RECK: variants seen among roughly 807,000 people sequenced by gnomAD.
RECK encodes the protein reversion-inducing cysteine-rich protein with Kazal motifs.
Under a neutral mutation model 115.1 loss-of-function variants are expected in RECK, and 69 were observed. The observed-to-expected ratio is 0.60, with a 90% CI of 0.49 to 0.73. The LOEUF is 0.73. Among genes scored for constraint, RECK ranks in the 30% least tolerant of loss-of-function variants. The probability of loss-of-function intolerance (pLI) is 0.00; values close to 1 mark genes in which losing one functional copy is unlikely to be tolerated. For synonymous variants in RECK, 414 were observed against 419.7 expected (o/e 0.99, Z 0.17); for missense variants, 1,047 against 1,203.7 (o/e 0.87, Z 1.93).
chr9:36,083,441 C>T lies in RECK; in HGVS notation c.516C>T (p.Asp172=), dbSNP rs781423696. The change falls in exon 8 of 21, where the codon GAC becomes GAT. Residue 172 remains aspartate (D), a synonymous_variant. Coordinates refer to ENST00000377966, the MANE Select transcript of RECK (RefSeq NM_021111.3). ...REYCQAIFRT[D]SSPGPSQIKA... ...ACTGTCAAGCCATTTTTCGAACAGA[C>T]TCTTCTCCTGGTCCATCTCAGATAA... The T allele has an allele frequency of 5.0e-6, 8 of 1,614,108 alleles. No homozygotes were observed. Among genetic ancestry groups the T allele is most frequent in the Non-Finnish European group, 5.1e-6 (6 of 1,179,986 alleles).
chr9:36,118,572 C>T (rs1824349516), intron 17 of RECK, among the ~76,000 whole-genome samples, 185 bp from the exon 18 acceptor site: 1 of 152,130 alleles, frequency 6.6e-6, no homozygotes, highest in Non-Finnish European at 1.5e-5. Flanking sequence ...CTGGAGACAC[C>T]CATATTGCTG....
chr9:36,080,172 C>T (rs989318645), intron 6 of RECK, among the ~76,000 whole-genome samples: 1 of 152,138 alleles, frequency 6.6e-6, no homozygotes, highest in Non-Finnish European at 1.5e-5. Flanking sequence ...CAGTGTACAG[C>T]CATGTTTGAG....
intron 2 of RECK, among the ~76,000 whole-genome samples, chr9:36,053,537 G>A (rs1233322928): frequency 1.3e-5 from 2 of 152,144 alleles, no homozygotes; most frequent in Non-Finnish European, 2.9e-5. Flanking sequence ...AATCACTATT[G>A]CAAATTAAGT....
In RECK at chr9:36,112,408, T is replaced by A; in HGVS notation, c.1992T>A (p.His664Gln). The A allele has an allele frequency of 1.2e-6, 2 of 1,614,124 alleles. No homozygotes were observed. Among genetic ancestry groups the A allele is most frequent in the African/African-American group, 1.3e-5 (1 of 75,064 alleles). The stretch of plus-strand genomic sequence containing the variant: ...CTCGCTGTGTGGGCCTCCAAGACCA[T>A]CAGTTTGAGTTTGGATCATGCATGT... ...CIARCVGLQD[H>Q]QFEFGSCMSK... The change falls in exon 16 of 21, where the codon CAT becomes CAA. Residue 664 changes from histidine (H) to glutamine (Q), a missense_variant. Transcript: ENST00000377966.
intron 17 of RECK, 82 bp downstream of exon 17, chr9:36,117,259 AC>A: frequency 8.7e-7 from 1 of 1,143,034 alleles, no homozygotes; most frequent in Non-Finnish European, 1.2e-6. Context: ...CAACAGTAAG[AC>A]CAGCCGAGGG....
chr9:36,089,877 G>T (rs1460005926), intron 9 of RECK, among the ~76,000 whole-genome samples: 1 of 151,988 alleles, frequency 6.6e-6, no homozygotes, highest in Non-Finnish European at 1.5e-5. Flanking sequence ...ACTCAAGCCT[G>T]TAATTCCAGG....
intron 1 of RECK, among the ~76,000 whole-genome samples, chr9:36,048,383 T>A (rs1821156623): frequency 6.6e-6 from 1 of 151,970 alleles, no homozygotes; most frequent in South Asian, 2.1e-4. Context: ...CTTGGCAACC[T>A]TTTTCCTTTT....
chr9:36,118,777 G>T lies in RECK; in HGVS notation c.2274G>T (p.Glu758Asp). The change falls in exon 18 of 21, where the codon GAG (glutamate) becomes GAT (aspartate). Residue 758 changes from glutamate (E) to aspartate (D), a missense_variant. Glu to Asp is a conservative substitution (Grantham distance 45). Transcript: ENST00000377966. ...CTCAGCCCTTTTGCAGAGCAACCGAGCCCGTATGTGGGCACAATGGTGAGA... is the reference window on the plus strand; with the variant it reads ...CTCAGCCCTTTTGCAGAGCAACCGATCCCGTATGTGGGCACAATGGTGAGA... The part of the protein sequence containing the change: ...GPCQPFCRAT[E>D]PVCGHNGETY... The T allele has an allele frequency of 6.2e-7, 1 of 1,614,030 alleles. No individual in the cohort carries two copies. The highest frequency in any genetic ancestry group is 8.5e-7 in the Non-Finnish European group (1 of 1,180,000).
intron 5 of RECK, among the ~76,000 whole-genome samples, 198 bp downstream of exon 5, chr9:36,064,078 T>G (rs1007959210): frequency 1.8e-4 from 28 of 152,252 alleles, no homozygotes; most frequent in African/African-American, 6.8e-4. Flanking sequence ...GGCCTCAGCC[T>G]GCTTTTATTC....
At chr9:36,058,558 C>T (rs1428181432) in intron 2 of RECK, among the ~76,000 whole-genome samples, 5 of 143,988 alleles carry the variant, frequency 3.5e-5, no homozygotes, top group African/African-American at 7.7e-5. Flanking sequence ...TGCTAGATGA[C>T]GAGTTAGTGG....
At chr9:36,084,884 A>G (rs547576881) in intron 8 of RECK, among the ~76,000 whole-genome samples, 1 of 152,184 alleles carries the variant, frequency 6.6e-6, no homozygotes, top group African/African-American at 2.4e-5. Context: ...GTGAGACCCT[A>G]TGTCTCCAAA....
At chr9:36,069,392 T>C (rs1313008253) in intron 6 of RECK, among the ~76,000 whole-genome samples, 1 of 148,384 alleles carries the variant, frequency 6.7e-6, no homozygotes, top group Non-Finnish European at 1.5e-5. Flanking sequence ...ATACAAAAAT[T>C]AGCTGGGTGT....
At chr9:36,086,202 G>C (rs1184273947) in intron 8 of RECK, 1 of 152,150 alleles carries the variant, frequency 6.6e-6, no homozygotes. Context: ...GTCAGAGTTC[G>C]CTACTGTACT....
At chr9:36,086,678 C>T (rs1822977825) in intron 8 of RECK, among the ~76,000 whole-genome samples, 1 of 152,138 alleles carries the variant, frequency 6.6e-6, no homozygotes, top group African/African-American at 2.4e-5. Context: ...TCTATTTTTA[C>T]AGAGTGCTGA....
intron 6 of RECK, among the ~76,000 whole-genome samples, chr9:36,070,578 ACTGATCTG>A (rs1379424843): frequency 6.6e-6 from 1 of 152,140 alleles, no homozygotes; most frequent in Non-Finnish European, 1.5e-5. Context: ...GGAGCCAGAT[ACTGATCTG>A]AAATTGATCA....
intron 2 of RECK, among the ~76,000 whole-genome samples, chr9:36,055,764 T>G (rs1278713724): frequency 1.3e-5 from 2 of 152,156 alleles, no homozygotes; most frequent in Admixed American, 1.3e-4. Context: ...CTATATTCTT[T>G]CCATTGTTCT....
intron 16 of RECK, among the ~76,000 whole-genome samples, chr9:36,116,395 A>G (rs536057123): frequency 2.6e-5 from 4 of 152,246 alleles, no homozygotes; most frequent in South Asian, 2.1e-4. Context: ...CCAAAGTGCT[A>G]GCATTACAGG....
intron 4 of RECK, among the ~76,000 whole-genome samples, chr9:36,063,095 A>T (rs957359789): frequency 1.3e-5 from 2 of 152,122 alleles, no homozygotes; most frequent in African/African-American, 2.4e-5. Context: ...AGATCGCGCC[A>T]CTGCACTCCA....
chr9:36,061,212 C>A (rs1175637412), intron 4 of RECK, among the ~76,000 whole-genome samples: 1 of 151,922 alleles, frequency 6.6e-6, no homozygotes, highest in East Asian at 1.9e-4. Context: ...TATTTGCCAG[C>A]CCTGGATAGA....
Sources: gnomAD v4.1 joint callset for allele counts (sites outside exome capture counted in the v4.1 genomes callset) on GRCh38, gnomAD v4.1.1 for gene constraint, MANE v1.5 for transcripts, NCBI Gene and HGNC (gene_info 2026-07-23, HGNC 2026-07-21) for gene names.